C5: variants seen among roughly 807,000 people sequenced by gnomAD.
The protein encoded by C5 is complement C5.
In C5, 140 loss-of-function variants were observed where a neutral mutation model predicts 218.8. The observed-to-expected ratio is 0.64, with a 90% CI of 0.56 to 0.74. The LOEUF is 0.74. Ranked by LOEUF, C5 falls within the 30% of genes least tolerant of loss-of-function variation. The probability of loss-of-function intolerance (pLI) is 0.00; values close to 1 mark genes in which losing one functional copy is unlikely to be tolerated. For missense variants in C5, 1,700 were observed against 1,969.6 expected (o/e 0.86, Z 2.59); for synonymous variants, 614 against 682.3 (o/e 0.90, Z 1.56).
rs58742970 is a variant in C5, at chr9:121,018,646, G to GGAAA, written c.1507-798_1507-795dup. ...AGAAAGAAGGGAGGGAGGGAGGGAG[G>GGAAA]GAAAGAAAGAAAGAAGGAAGGAAGG... On this transcript the variant is annotated intron_variant, in intron 12 of 40. Coordinates refer to ENST00000223642, the MANE Select transcript of C5 (RefSeq NM_001735.3). 2.7e-5 allele frequency among the ~76,000 whole-genome samples: 2 copies of GGAAA among 73,490 alleles called. 1 individual carries two copies. The highest frequency in any genetic ancestry group is 1.1e-4 in the African/African-American group (2 of 18,438). The allele number at this position is 73,490 out of a possible 152,430, so 48.2% of individuals were successfully genotyped here.
At chr9:121,063,769 A>G in the C5 span, among the ~76,000 whole-genome samples, 2 of 152,232 alleles carry the variant, frequency 1.3e-5, no homozygotes, top group Non-Finnish European at 2.9e-5. Context: ...CAGAAAGGTC[A>G]TAGGACTGCA....
chr9:120,980,329 C>T, intron 27 of C5, 75 bp from the exon 28 acceptor site: 1 of 1,309,194 alleles, frequency 7.6e-7, no homozygotes, highest in East Asian at 2.3e-5. Flanking sequence ...ACCCTCAGAT[C>T]CCACTATCCT....
intron 12 of C5, among the ~76,000 whole-genome samples, chr9:121,018,643 G>GAA (rs1297917740): frequency 4.8e-4 from 12 of 25,026 alleles, no homozygotes; most frequent in African/African-American, 7.0e-4. Flanking sequence ...GGGAGGGAGG[G>GAA]AGGGAAAGAA....
intron 36 of C5, 73 bp downstream of exon 36, chr9:120,962,598 T>A: frequency 8.7e-7 from 1 of 1,155,180 alleles, no homozygotes; most frequent in South Asian, 1.2e-5. Context: ...TACAGGACTC[T>A]AGTGGATTTC....
At chr9:120,979,353 C>A (rs2046975162) in intron 28 of C5, among the ~76,000 whole-genome samples, 1 of 152,240 alleles carries the variant, frequency 6.6e-6, no homozygotes, top group Non-Finnish European at 1.5e-5. Flanking sequence ...AATGCATCCT[C>A]TCACCTTATT....
At chr9:121,007,078 A>G (rs1173619250) in intron 18 of C5, 101 bp from the exon 19 acceptor site, 2 of 826,278 alleles carry the variant, frequency 2.4e-6, no homozygotes, top group African/African-American at 1.7e-5. Context: ...ACTACTTTAG[A>G]GAAAGAAAAA....
intron 17 of C5, among the ~76,000 whole-genome samples, chr9:121,009,657 C>G (rs559816502): frequency 6.6e-6 from 1 of 152,340 alleles, no homozygotes; most frequent in African/African-American, 2.4e-5. Context: ...ATTTTAACAA[C>G]TAACTACACA....
chr9:120,979,980 A>C (rs2046979783), intron 28 of C5, 103 bp downstream of exon 28: 4 of 950,602 alleles, frequency 4.2e-6, no homozygotes, highest in Non-Finnish European at 6.9e-6. Context: ...GAGGACAGGA[A>C]TTGCATCTTA....
the C5 span, among the ~76,000 whole-genome samples, chr9:121,067,991 A>C: frequency 1.3e-5 from 2 of 152,182 alleles, no homozygotes; most frequent in African/African-American, 2.4e-5. Context: ...ATACAACATA[A>C]TAAAGGCTAT....
chr9:120,959,011 C>A (rs910435641), intron 38 of C5, among the ~76,000 whole-genome samples: 1 of 151,708 alleles, frequency 6.6e-6, no homozygotes, highest in Admixed American at 6.6e-5. Flanking sequence ...GGTCTAGAAC[C>A]CCTGAGCTCA....
At chr9:121,043,243 T>A in intron 2 of C5, 77 bp from the exon 3 acceptor site, 1 of 1,123,150 alleles carries the variant, frequency 8.9e-7, no homozygotes, top group Non-Finnish European at 1.3e-6. Context: ...AATACAACTG[T>A]AATCTCATTA....
intron 22 of C5, 146 bp from the exon 23 acceptor site, chr9:120,991,426 C>A: frequency 1.6e-6 from 1 of 621,014 alleles, no homozygotes; most frequent in Non-Finnish European, 2.8e-6. Flanking sequence ...AGTTAAAAAT[C>A]ATCAAGGACT....
chr9:121,066,878 A>AC, the C5 span, among the ~76,000 whole-genome samples: 2 of 143,788 alleles, frequency 1.4e-5, no homozygotes, highest in African/African-American at 5.0e-5. Flanking sequence ...AAAAAAAAAC[A>AC]AAAACACATG....
chr9:120,983,151 A>T (rs755051754), intron 25 of C5, among the ~76,000 whole-genome samples: 1 of 152,230 alleles, frequency 6.6e-6, no homozygotes, highest in Non-Finnish European at 1.5e-5. Context: ...TGAACATGAG[A>T]CATGAAAGAG....
At chr9:121,039,811 G>C (rs1160923102) in intron 3 of C5, among the ~76,000 whole-genome samples, 2 of 151,960 alleles carry the variant, frequency 1.3e-5, no homozygotes, top group African/African-American at 4.8e-5. Flanking sequence ...ACCATGCCTG[G>C]CTAATTTTTT....
chr9:121,018,161 G>A (rs1205747250), intron 12 of C5, among the ~76,000 whole-genome samples: 3 of 144,710 alleles, frequency 2.1e-5, no homozygotes, highest in Non-Finnish European at 3.0e-5. Context: ...GCTGAGGCAT[G>A]AGAATTACTG....
intron 11 of C5, among the ~76,000 whole-genome samples, chr9:121,020,999 T>A (rs145974977): frequency 6.6e-6 from 1 of 152,362 alleles, no homozygotes; most frequent in South Asian, 2.1e-4. Flanking sequence ...TGTTATTATG[T>A]TACTAAGTTA....
At chr9:120,997,867 A>G in intron 20 of C5, 93 bp from the exon 21 acceptor site, 1 of 1,047,906 alleles carries the variant, frequency 9.5e-7, no homozygotes, top group Non-Finnish European at 1.4e-6. Context: ...CAGCGGCATG[A>G]TCTCAGCTCA....
chr9:120,981,988 G>C, intron 26 of C5, 49 bp from the exon 27 acceptor site: 1 of 1,228,792 alleles, frequency 8.1e-7, no homozygotes, highest in Non-Finnish European at 1.2e-6. Flanking sequence ...TGTCTTTAAG[G>C]CGAAATGACC....
Sources: gnomAD v4.1 joint callset for allele counts (sites outside exome capture counted in the v4.1 genomes callset) on GRCh38, gnomAD v4.1.1 for gene constraint, MANE v1.5 for transcripts, NCBI Gene and HGNC (gene_info 2026-07-23, HGNC 2026-07-21) for gene names.